Variants in ADGRL3 observed in about 807,000 individuals in gnomAD.
The protein encoded by ADGRL3 is adhesion G protein-coupled receptor L3.
A neutral mutation model predicts 153.5 loss-of-function variants in ADGRL3; 62 were observed. That is an observed-to-expected ratio of 0.40 (90% CI 0.33 to 0.50). The LOEUF (loss-of-function observed/expected upper bound fraction) is 0.50, where lower values mean the gene tolerates loss of function less well. ADGRL3 is among the 20% of genes least tolerant of loss of function. ADGRL3 has a pLI of 0.47. For missense variants in ADGRL3, 1,641 were observed against 1,859.4 expected, an observed-to-expected ratio of 0.88 and a Z score of 2.16; for synonymous variants, 710 against 672.5, an observed-to-expected ratio of 1.06 and a Z score of -0.86.
chr4:61,668,006 C>G (rs936660415), intron 5 of ADGRL3, among the ~76,000 whole-genome samples: 4 of 152,136 alleles, frequency 2.6e-5, no homozygotes, highest in Non-Finnish European at 5.9e-5. Context: ...ACCCCCACCC[C>G]ACCCTGATAT....
chr4:62,006,613 G>A (rs1171582465), intron 21 of ADGRL3, among the ~76,000 whole-genome samples: 1 of 132,036 alleles, frequency 7.6e-6, no homozygotes, highest in Non-Finnish European at 1.6e-5. Flanking sequence ...TGTTACTTAT[G>A]TTTTATTTAT....
At chr4:62,029,354 GA>G (rs1468411729) in intron 22 of ADGRL3, among the ~76,000 whole-genome samples, 1 of 151,416 alleles carries the variant, frequency 6.6e-6, no homozygotes, top group Non-Finnish European at 1.5e-5. Flanking sequence ...TATAAATAAA[GA>G]AAAAAATGCC....
intron 1 of ADGRL3, among the ~76,000 whole-genome samples, chr4:61,263,014 T>G (rs1234766628): frequency 6.6e-6 from 1 of 152,016 alleles, no homozygotes; most frequent in Non-Finnish European, 1.5e-5. Context: ...TTATAAGAGG[T>G]TAGATTCTAA....
chr4:61,830,808 G>A (rs1470264167), intron 9 of ADGRL3, among the ~76,000 whole-genome samples: 2 of 152,148 alleles, frequency 1.3e-5, no homozygotes, highest in East Asian at 1.9e-4. Flanking sequence ...GGCTAGAGAT[G>A]CCAAAAAGGA....
Position 62,076,597 on chromosome 4 carries a change from T to C in ADGRL3, c.*5689T>C, listed in dbSNP as rs1168831437. ...AAAATCTTATACACTACACCAAATG[T>C]TACAGATGTATTCCGAAAAGTAAAA... is the stretch of plus-strand genomic sequence containing the variant. On this transcript the variant is annotated 3_prime_UTR_variant, in exon 27 of 27. Transcript: ENST00000683033. The C allele has an allele frequency of 6.6e-6, 1 of 152,050 alleles. No homozygotes were observed. The highest frequency in any genetic ancestry group is 2.4e-5 in the African/African-American group (1 of 41,446). The allele number at this position is 152,050 out of a possible 1,614,324, so 9.4% of individuals were successfully genotyped here. A position where few individuals can be genotyped will look rare whatever the true frequency, so the allele number is the denominator to read the frequency against.
At chr4:61,624,765 A>T (rs1391242385) in intron 5 of ADGRL3, among the ~76,000 whole-genome samples, 1 of 152,090 alleles carries the variant, frequency 6.6e-6, no homozygotes, top group Non-Finnish European at 1.5e-5. Context: ...TGGATATGAG[A>T]TGTCATTAAG....
intron 1 of ADGRL3, among the ~76,000 whole-genome samples, chr4:61,318,386 T>C (rs1166698274): frequency 6.6e-6 from 1 of 152,030 alleles, no homozygotes; most frequent in East Asian, 1.9e-4. Context: ...TGGGCCAACA[T>C]TTTACCTTCT....
Position 62,075,864 on chromosome 4 carries a change from T to G in ADGRL3, c.*4956T>G, listed in dbSNP as rs545977639. ...GTTCTTTATAACATCTTAAAAATAT[T>G]AAACAATTAAATTTTCATTTGTAGG... On this transcript the variant is annotated 3_prime_UTR_variant, in exon 27 of 27. Transcript: ENST00000683033. The G allele has an allele frequency of 1.8e-4, 27 of 152,276 alleles. No individual in the cohort carries two copies. The highest frequency in any genetic ancestry group is 6.5e-4 in the African/African-American group (27 of 41,570). The allele number at this position is 152,276 out of a possible 1,614,324, so 9.4% of individuals were successfully genotyped here.
intron 1 of ADGRL3, among the ~76,000 whole-genome samples, chr4:61,226,259 TA>T (rs1339798291): frequency 6.6e-6 from 1 of 152,188 alleles, no homozygotes; most frequent in African/African-American, 2.4e-5. Context: ...AATCTATAGT[TA>T]TCCAATTGGC....
intron 6 of ADGRL3, among the ~76,000 whole-genome samples, chr4:61,713,879 T>G (rs2096053962): frequency 6.6e-6 from 1 of 152,176 alleles, no homozygotes; most frequent in South Asian, 2.1e-4. Flanking sequence ...AATTATTACT[T>G]TGGTTCAAGT....
At chr4:61,670,469 G>C (rs2094953332) in intron 5 of ADGRL3, among the ~76,000 whole-genome samples, 1 of 151,902 alleles carries the variant, frequency 6.6e-6, no homozygotes, top group Non-Finnish European at 1.5e-5. Flanking sequence ...TGAGATAGTG[G>C]GCTGCTAATT....
intron 2 of ADGRL3, among the ~76,000 whole-genome samples, chr4:61,496,451 G>A (rs1455200999): frequency 6.6e-6 from 1 of 151,332 alleles, no homozygotes; most frequent in Non-Finnish European, 1.5e-5. Flanking sequence ...ATCACCTGAG[G>A]TCGGGAGTTC....
chr4:61,369,418 T>G (rs2096475647), intron 1 of ADGRL3, among the ~76,000 whole-genome samples: 1 of 152,170 alleles, frequency 6.6e-6, no homozygotes, highest in African/African-American at 2.4e-5. Flanking sequence ...ATACCTAATT[T>G]ATTGAGAGTT....
At chr4:61,424,707 C>T (rs1382210121) in intron 2 of ADGRL3, among the ~76,000 whole-genome samples, 1 of 152,190 alleles carries the variant, frequency 6.6e-6, no homozygotes, top group Non-Finnish European at 1.5e-5. Context: ...CACCATCTTT[C>T]ATCTTTCTGG....
chr4:62,004,842 T>C (rs1318411913), intron 21 of ADGRL3, among the ~76,000 whole-genome samples: 2 of 152,160 alleles, frequency 1.3e-5, no homozygotes, highest in Admixed American at 6.6e-5. Flanking sequence ...GATAGAATCA[T>C]TTTTAAAGAG....
intron 2 of ADGRL3, among the ~76,000 whole-genome samples, chr4:61,474,319 C>T (rs775717353): frequency 1.3e-5 from 2 of 152,176 alleles, no homozygotes; most frequent in East Asian, 1.9e-4. Flanking sequence ...CTGTGAATGA[C>T]AGTGAAAAAA....
intron 4 of ADGRL3, among the ~76,000 whole-genome samples, chr4:61,577,662 A>T (rs2098896309): frequency 6.6e-6 from 1 of 151,726 alleles, no homozygotes; most frequent in Non-Finnish European, 1.5e-5. Flanking sequence ...ATAAAAAAAA[A>T]ATTAGCCAGG....
chr4:61,296,134 A>T (rs2094403658), intron 1 of ADGRL3, among the ~76,000 whole-genome samples: 1 of 152,178 alleles, frequency 6.6e-6, no homozygotes, highest in Admixed American at 6.6e-5. Context: ...CAAAAAAGGT[A>T]TTTTAAAATA....
At chr4:62,020,280 G>T (rs1474259724) in intron 21 of ADGRL3, among the ~76,000 whole-genome samples, 1 of 152,080 alleles carries the variant, frequency 6.6e-6, no homozygotes, top group East Asian at 1.9e-4. Flanking sequence ...TAAATTAAAA[G>T]TTTGTATATT....
Sources: gnomAD v4.1 joint callset for allele counts (sites outside exome capture counted in the v4.1 genomes callset) on GRCh38, gnomAD v4.1.1 for gene constraint, MANE v1.5 for transcripts, NCBI Gene and HGNC (gene_info 2026-07-23, HGNC 2026-07-21) for gene names.